Variants in RANBP2 observed in about 807,000 individuals in gnomAD.
RANBP2 encodes E3 SUMO-protein ligase RanBP2.
In RANBP2, 57 loss-of-function variants were observed where a neutral mutation model predicts 303.6. That is an observed-to-expected ratio of 0.19 (90% CI 0.15 to 0.23). RANBP2 has a LOEUF of 0.23. RANBP2 is among the 10% of genes least tolerant of loss of function. RANBP2 has a pLI of 1.00. For missense variants in RANBP2, 3,138 were observed against 3,780.8 expected, an observed-to-expected ratio of 0.83 and a Z score of 4.46; for synonymous variants, 1,167 against 1,301.5, an observed-to-expected ratio of 0.90 and a Z score of 2.23.
chr2:109,167,134 T>C, the RANBP2 span, among the ~76,000 whole-genome samples: 1 of 152,354 alleles, frequency 6.6e-6, no homozygotes, highest in Non-Finnish European at 1.5e-5. Flanking sequence ...AAGTGTTCTT[T>C]ATGATATGGT....
chr2:109,009,007 T>A, the RANBP2 span, among the ~76,000 whole-genome samples: 6 of 151,980 alleles, frequency 3.9e-5, no homozygotes, highest in East Asian at 1.2e-3. Context: ...GATACCTAAT[T>A]AATTTCAGTG....
At chr2:109,661,630 C>T in the RANBP2 span, among the ~76,000 whole-genome samples, 7 of 152,134 alleles carry the variant, frequency 4.6e-5, no homozygotes, top group African/African-American at 1.7e-4. Flanking sequence ...TATGGTCATA[C>T]CTACCTGCAA....
At chr2:108,744,184 A>C (rs1158778276) in intron 7 of RANBP2, among the ~76,000 whole-genome samples, 1 of 152,306 alleles carries the variant, frequency 6.6e-6, no homozygotes, top group African/African-American at 2.4e-5. Flanking sequence ...CGGGCGGATC[A>C]CTTGAGGTCA....
chr2:109,617,378 TTAAG>T, the RANBP2 span: 1 of 167,080 alleles, frequency 6.0e-6, no homozygotes, highest in Non-Finnish European at 1.5e-5. Context: ...TTCATTAAAA[TTAAG>T]TACTCGTTTA....
At chr2:109,054,987 AT>A in the RANBP2 span, among the ~76,000 whole-genome samples, 1 of 151,092 alleles carries the variant, frequency 6.6e-6, no homozygotes, top group African/African-American at 2.4e-5. Context: ...ACACATCCTG[AT>A]TTTTTTTTCT....
At chr2:109,374,342 C>T in the RANBP2 span, among the ~76,000 whole-genome samples, 1 of 152,186 alleles carries the variant, frequency 6.6e-6, no homozygotes, top group Non-Finnish European at 1.5e-5. Flanking sequence ...GATACAGGCT[C>T]CCGGACTCTC....
chr2:109,152,730 G>T, the RANBP2 span, among the ~76,000 whole-genome samples: 12 of 152,288 alleles, frequency 7.9e-5, no homozygotes, highest in East Asian at 2.3e-3. Context: ...GTTCCAACTT[G>T]AGTAGGCATG....
At chr2:109,521,882 C>T in the RANBP2 span, among the ~76,000 whole-genome samples, 7 of 152,144 alleles carry the variant, frequency 4.6e-5, no homozygotes, top group South Asian at 1.5e-3. Flanking sequence ...TTAATTGAAG[C>T]TGAGTCTTTG....
chr2:109,604,218 C>T, the RANBP2 span, among the ~76,000 whole-genome samples: 1 of 149,108 alleles, frequency 6.7e-6, no homozygotes, highest in Admixed American at 6.7e-5. Flanking sequence ...GTGGTGTGTG[C>T]CTGTAATCCC....
chr2:109,338,540 CA>C, the RANBP2 span, among the ~76,000 whole-genome samples: 3 of 152,046 alleles, frequency 2.0e-5, no homozygotes, highest in Admixed American at 1.3e-4. Context: ...CCGGCACAGT[CA>C]AAAACCTGTG....
chr2:109,742,324 G>A, the RANBP2 span, among the ~76,000 whole-genome samples: 2 of 111,840 alleles, frequency 1.8e-5, no homozygotes, highest in Non-Finnish European at 3.6e-5. Context: ...GCGAGGCTGA[G>A]GCACAAGAAT....
chr2:108,943,473 A>G, the RANBP2 span, among the ~76,000 whole-genome samples: 1 of 152,162 alleles, frequency 6.6e-6, no homozygotes. Flanking sequence ...CTTTTTTCCA[A>G]GGTGAAAGAG....
At chr2:109,566,808 G>A in the RANBP2 span, among the ~76,000 whole-genome samples, 2 of 152,186 alleles carry the variant, frequency 1.3e-5, no homozygotes, top group Non-Finnish European at 2.9e-5. Context: ...GGGGCAGGGA[G>A]TAGACTGGTC....
At chr2:109,603,246 T>A in the RANBP2 span, among the ~76,000 whole-genome samples, 4,105 of 152,020 alleles carry the variant, frequency 0.027, 183 homozygotes, top group African/African-American at 0.089. Context: ...TATTATTATT[T>A]TTTTTTTTGA....
chr2:109,149,711 G>A, the RANBP2 span, among the ~76,000 whole-genome samples: 1 of 152,190 alleles, frequency 6.6e-6, no homozygotes, highest in African/African-American at 2.4e-5. Context: ...GCCTCGTGGT[G>A]CTTACGTTCT....
At chr2:109,413,233 G>A in the RANBP2 span, among the ~76,000 whole-genome samples, 109 of 152,318 alleles carry the variant, frequency 7.2e-4, 2 homozygotes, top group Admixed American at 7.1e-3. Context: ...TCCTGCCTGA[G>A]CCTCCCAAGT....
the RANBP2 span, among the ~76,000 whole-genome samples, chr2:108,809,477 TGTG>T: frequency 9.2e-5 from 14 of 151,810 alleles, no homozygotes; most frequent in African/African-American, 3.4e-4. Context: ...TGTGTGTGTG[TGTG>T]TGTGTGTGAT....
chr2:108,895,101 G>C, the RANBP2 span: 1 of 152,672 alleles, frequency 6.5e-6, no homozygotes, highest in South Asian at 2.1e-4. Context: ...CTGCCGTGGA[G>C]TATTTAGCTT....
chr2:109,160,012 A>G, the RANBP2 span, among the ~76,000 whole-genome samples: 4 of 152,112 alleles, frequency 2.6e-5, no homozygotes, highest in Non-Finnish European at 5.9e-5. Context: ...TCATCCCAAA[A>G]CCATCTCCCC....
Sources: gnomAD v4.1 joint callset for allele counts (sites outside exome capture counted in the v4.1 genomes callset) on GRCh38, gnomAD v4.1.1 for gene constraint, MANE v1.5 for transcripts, NCBI Gene and HGNC (gene_info 2026-07-23, HGNC 2026-07-21) for gene names.